Variants in MRTFA observed in about 807,000 individuals in gnomAD.
MRTFA encodes the protein myocardin related transcription factor A.
In MRTFA, 20 loss-of-function variants were observed where a neutral mutation model predicts 83.5. The observed-to-expected ratio is 0.24, with a 90% CI of 0.17 to 0.35. MRTFA has a LOEUF of 0.35. Among genes scored for constraint, MRTFA ranks in the 10% least tolerant of loss-of-function variants. The pLI is 1.00. For missense variants in MRTFA, 1,200 were observed against 1,224.7 expected (o/e 0.98, Z 0.30); for synonymous variants, 659 against 541.2 (o/e 1.22, Z -3.02).
At chr22:40,502,683 T>A (rs1447538885) in intron 3 of MRTFA, among the ~76,000 whole-genome samples, 1 of 150,832 alleles carries the variant, frequency 6.6e-6, no homozygotes, top group Non-Finnish European at 1.5e-5. Context: ...TCTCGGCACT[T>A]TGGGAGGCCA....
chr22:40,484,945 C>A (rs1054313278), intron 3 of MRTFA, among the ~76,000 whole-genome samples: 3 of 151,962 alleles, frequency 2.0e-5, no homozygotes, highest in Admixed American at 2.0e-4. Context: ...GTGGCACGTG[C>A]CTGTAAATCC....
At chr22:40,481,876 C>T (rs145257688) in intron 3 of MRTFA, among the ~76,000 whole-genome samples, 2,974 of 152,010 alleles carry the variant, frequency 0.02, 99 homozygotes, top group African/African-American at 0.067. Flanking sequence ...CTGGCTAACA[C>T]GGTGAAACCC....
chr22:40,477,969 A>T (rs1026082989), intron 3 of MRTFA, among the ~76,000 whole-genome samples: 1 of 152,094 alleles, frequency 6.6e-6, no homozygotes, highest in Non-Finnish European at 1.5e-5. Context: ...ATCAGTACCC[A>T]TTCATTATTA....
intron 3 of MRTFA, among the ~76,000 whole-genome samples, chr22:40,484,362 C>G (rs565751179): frequency 1.2e-4 from 19 of 152,220 alleles, no homozygotes; most frequent in Admixed American, 5.2e-4. Context: ...ATCAGCTAAA[C>G]TTGTTGGAAT....
At chr22:40,515,298 T>C (rs1410223965) in intron 3 of MRTFA, among the ~76,000 whole-genome samples, 1 of 152,162 alleles carries the variant, frequency 6.6e-6, no homozygotes, top group African/African-American at 2.4e-5. Context: ...AAATCCTGGA[T>C]ATAAAATGCT....
At chr22:40,495,282 T>TA (rs886531195) in intron 3 of MRTFA, among the ~76,000 whole-genome samples, 19 of 150,354 alleles carry the variant, frequency 1.3e-4, no homozygotes, top group African/African-American at 2.4e-4. Flanking sequence ...CTGTCTCTAC[T>TA]AAAAAAAAAT....
At chr22:40,602,099 A>T (rs539335618) in intron 1 of MRTFA, among the ~76,000 whole-genome samples, 1 of 152,314 alleles carries the variant, frequency 6.6e-6, no homozygotes, top group East Asian at 1.9e-4. Flanking sequence ...AGAACAAAGC[A>T]CCTACGAAGA....
At chr22:40,440,521 T>A (rs190012424) in intron 4 of MRTFA, among the ~76,000 whole-genome samples, 2 of 152,368 alleles carry the variant, frequency 1.3e-5, no homozygotes, top group African/African-American at 4.8e-5. Flanking sequence ...AACAGCTACT[T>A]CTGCCAGGTG....
At chr22:40,432,409 A>C (rs564238194) in intron 5 of MRTFA, among the ~76,000 whole-genome samples, 1 of 152,272 alleles carries the variant, frequency 6.6e-6, no homozygotes, top group African/African-American at 2.4e-5. Flanking sequence ...CCAATGTCCT[A>C]ATTTCTGCAT....
intron 1 of MRTFA, among the ~76,000 whole-genome samples, chr22:40,630,760 T>C (rs1377868518): frequency 1.3e-5 from 2 of 152,172 alleles, no homozygotes; most frequent in Non-Finnish European, 2.9e-5. Context: ...TGGAGCACAG[T>C]GGTGTGATCA....
chr22:40,625,613 A>C (rs1234212257), intron 1 of MRTFA, among the ~76,000 whole-genome samples: 1 of 152,044 alleles, frequency 6.6e-6, no homozygotes, highest in East Asian at 1.9e-4. Context: ...CCCTATCTCT[A>C]CTAAAAACAC....
At chr22:40,508,401 AC>A (rs1433456381) in intron 3 of MRTFA, among the ~76,000 whole-genome samples, 4 of 150,936 alleles carry the variant, frequency 2.7e-5, no homozygotes, top group African/African-American at 4.9e-5. Context: ...AATTTCAGCT[AC>A]TCAGGAGGCT....
intron 1 of MRTFA, among the ~76,000 whole-genome samples, chr22:40,626,187 T>A (rs556867272): frequency 6.6e-6 from 1 of 152,122 alleles, no homozygotes. Flanking sequence ...GGTTTCGCCA[T>A]CTTGGCAGAC....
intron 3 of MRTFA, among the ~76,000 whole-genome samples, chr22:40,534,384 C>T (rs1355657677): frequency 6.6e-6 from 1 of 152,196 alleles, no homozygotes; most frequent in African/African-American, 2.4e-5. Flanking sequence ...CCTAAAAGAG[C>T]CTCTTACTTG....
At chr22:40,449,274 G>GAAAAAAAAA (rs35140973) in intron 4 of MRTFA, among the ~76,000 whole-genome samples, 1 of 88,006 alleles carries the variant, frequency 1.1e-5, no homozygotes. Flanking sequence ...CTCCAAACGA[G>GAAAAAAAAA]AAAAAAAAAA....
At chr22:40,423,515 C>A (rs777213824) in intron 9 of MRTFA, 21 bp downstream of exon 9, 3 of 1,468,234 alleles carry the variant, frequency 2.0e-6, no homozygotes, top group South Asian at 2.9e-5. Flanking sequence ...GGGGAGGGTA[C>A]AATCACTGGC....
chr22:40,431,520 C>A, intron 5 of MRTFA, 40 bp from the exon 6 acceptor site: 1 of 1,593,008 alleles, frequency 6.3e-7, no homozygotes, highest in South Asian at 1.1e-5. Flanking sequence ...AAATCCAGGT[C>A]ACAGGCTTAT....
At chr22:40,415,956 C>A (rs1038908385) in intron 14 of MRTFA, among the ~76,000 whole-genome samples, 1 of 152,118 alleles carries the variant, frequency 6.6e-6, no homozygotes, top group African/African-American at 2.4e-5. Context: ...CTCACACCCT[C>A]GGCAGCCTCC....
intron 2 of MRTFA, among the ~76,000 whole-genome samples, chr22:40,563,222 C>A (rs367639698): frequency 6.6e-6 from 1 of 152,094 alleles, no homozygotes; most frequent in Admixed American, 6.6e-5. Context: ...TCTTCCCCAT[C>A]CTACTTCCTT....
Sources: allele counts gnomAD v4.1 joint callset (sites outside exome capture counted in the v4.1 genomes callset), GRCh38; gene constraint gnomAD v4.1.1; transcripts MANE v1.5; gene names NCBI Gene and HGNC (gene_info 2026-07-23, HGNC 2026-07-21).